CHPF2: variants seen among roughly 807,000 people sequenced by gnomAD.
The protein encoded by CHPF2 is chondroitin polymerizing factor 2, also known as chondroitin polymerizing factor 2, non-catalytic subunit.
Under a neutral mutation model 63.0 loss-of-function variants are expected in CHPF2, and 58 were observed. That is an observed-to-expected ratio of 0.92 (90% CI 0.75 to 1.15). The LOEUF is 1.15. CHPF2 is among the 50% of genes most tolerant of loss of function. CHPF2 has a pLI of 0.00. For missense variants in CHPF2, 1,045 were observed against 1,035.4 expected (o/e 1.01, Z -0.13); for synonymous variants, 442 against 438.0 (o/e 1.01, Z -0.11).
At chr7:151,234,789 C>T (rs1416031268) in intron 1 of CHPF2, among the ~76,000 whole-genome samples, 2 of 152,130 alleles carry the variant, frequency 1.3e-5, no homozygotes, top group African/African-American at 4.8e-5. Flanking sequence ...CCGTGCCCAG[C>T]CAGGGTTCGA....
Position 151,232,518 on chromosome 7 carries a change from C to A in CHPF2, c.-1494C>A, listed in dbSNP as rs1030501339. 2.0e-6 allele frequency: 1 copy of A among 502,792 alleles called. No homozygotes were observed. The highest frequency in any genetic ancestry group is 4.3e-5 in the Admixed American group (1 of 23,234). 31.1% of individuals were successfully genotyped at this position (502,792 alleles called of 1,614,324 possible). ...GCGGACAGGGGCTGTGAGGTGGCAG[C>A]GGCTGCAGCGGCGGAGCCGGCGCCT... is the stretch of plus-strand genomic sequence containing the variant. On this transcript the variant is annotated 5_prime_UTR_variant, in exon 1 of 4. Coordinates refer to ENST00000035307, the MANE Select transcript of CHPF2 (RefSeq NM_019015.3).
chr7:151,236,905 T>C, intron 3 of CHPF2: 1 of 544,516 alleles, frequency 1.8e-6, no homozygotes, highest in Middle Eastern at 2.8e-4. Context: ...TCCTCCTCAA[T>C]AGTGCCTGTC....
Position 151,232,621 on chromosome 7 carries a change from C to G in CHPF2, c.-1391C>G. The stretch of plus-strand genomic sequence containing the variant: ...GCGTGCGGGACGCCGCTCTTGGTCC[C>G]CACGCCTCCGCCCCGCCCCCTCCCG... On this transcript the variant is annotated 5_prime_UTR_variant, in exon 1 of 4. Coordinates refer to ENST00000035307, the MANE Select transcript of CHPF2 (RefSeq NM_019015.3). The G allele has an allele frequency of 1.3e-6, 1 of 791,440 alleles. No homozygotes were observed. Among genetic ancestry groups the G allele is most frequent in the East Asian group, 3.3e-5 (1 of 30,064 alleles). 49.0% of individuals were successfully genotyped at this position (791,440 alleles called of 1,614,324 possible).
Position 151,238,507 on chromosome 7 carries a change from CCT to C in CHPF2, c.2148_2149del (p.Phe717SerfsTer22), listed in dbSNP as rs1224184047. On this transcript the variant is annotated frameshift_variant, in exon 4 of 4. Transcript: ENST00000035307. LOFTEE classifies it high-confidence loss of function. Reference protein sequence around the residue: ...DVFLRFSGLHLFRAVEPGLVQ... With the variant: ...DVFLRFSGLHXFRAVEPGLVQ... ...TTTTCCTCCGGTTCTCAGGGCTCCACCTCTTTCGGGCCGTAGAGCCAGGGCTG... is the reference window on the plus strand; with the variant it reads ...TTTTCCTCCGGTTCTCAGGGCTCCACCTTTCGGGCCGTAGAGCCAGGGCTG... The C allele has an allele frequency of 1.9e-6, 3 of 1,601,070 alleles. No homozygotes were observed. Among genetic ancestry groups the C allele is most frequent in the Non-Finnish European group, 2.6e-6 (3 of 1,171,872 alleles).
Position 151,237,764 on chromosome 7 carries a change from CTG to C in CHPF2, c.1403_1404del (p.Leu468ProfsTer17). On this transcript the variant is annotated frameshift_variant, in exon 4 of 4. Transcript: ENST00000035307. LOFTEE classifies it high-confidence loss of function. ...GCGGGCCCTGGCTCGCAGGGTCAGC[CTG>C]CTGCGGCCACTGAGCCGGGTGGAAA... is the stretch of plus-strand genomic sequence containing the variant. ...HRRALARRVS[L>X]LRPLSRVEIL... 6.2e-7 allele frequency: 1 copy of C among 1,612,448 alleles called. No individual in the cohort carries two copies. The highest frequency in any genetic ancestry group is 1.1e-5 in the South Asian group (1 of 91,088).
Position 151,232,532 on chromosome 7 carries a change from G to A in CHPF2, c.-1480G>A, listed in dbSNP as rs978156154. The A allele has an allele frequency of 3.9e-6, 2 of 507,830 alleles. No homozygotes were observed. Among genetic ancestry groups the A allele is most frequent in the Non-Finnish European group, 6.9e-6 (2 of 290,014 alleles). 31.5% of individuals were successfully genotyped at this position (507,830 alleles called of 1,614,324 possible). On this transcript the variant is annotated 5_prime_UTR_variant, in exon 1 of 4. Transcript: ENST00000035307. ...TGAGGTGGCAGCGGCTGCAGCGGCG[G>A]AGCCGGCGCCTCAGCGGGCACTGGG...
Position 151,233,096 on chromosome 7 carries a change from C to A in CHPF2, c.-916C>A. 8.3e-7 allele frequency: 1 copy of A among 1,208,284 alleles called. No homozygotes were observed. The allele number at this position is 1,208,284 out of a possible 1,614,324, so 74.8% of individuals were successfully genotyped here. A position where few individuals can be genotyped will look rare whatever the true frequency, so the allele number is the denominator to read the frequency against. On this transcript the variant is annotated 5_prime_UTR_variant, in exon 1 of 4. It adds an upstream start codon to the 5' untranslated region. Transcript: ENST00000035307. Reference sequence around the variant, plus strand: ...AGGACCCTGGCATTGTCTCTAGTTGCTGCTTGTGCTCTCTCTTTGCTTTTG... The same window carrying A: ...AGGACCCTGGCATTGTCTCTAGTTGATGCTTGTGCTCTCTCTTTGCTTTTG...
chr7:151,236,637 C>CAG lies in CHPF2; in HGVS notation c.1011+54_1011+55dup, dbSNP rs1563632114. 8.1e-6 allele frequency: 12 copies of CAG among 1,474,934 alleles called. 1 individual carries two copies. The South Asian group carries it at 1.6e-4, about 20-fold the overall frequency. 91.4% of individuals were successfully genotyped at this position (1,474,934 alleles called of 1,614,324 possible). A position where few individuals can be genotyped will look rare whatever the true frequency, so the allele number is the denominator to read the frequency against. On this transcript the variant is annotated intron_variant, in intron 3 of 3. Coordinates refer to ENST00000035307, the MANE Select transcript of CHPF2 (RefSeq NM_019015.3). ...GGGCAGAGGACCGCAGTCAGAGGGT[C>CAG]AGAGAGAGCCTGAGATGTCCAGGCG...
At position 151,233,572 on chromosome 7, in the gene CHPF2, GT is replaced by G; in HGVS notation, c.-436del. The stretch of plus-strand genomic sequence containing the variant: ...TCCGGCTCCTCTGGTTGGGGCTGTT[GT>G]TTTGATGGATCGTGTGCTTTTCCCT... On this transcript the variant is annotated 5_prime_UTR_variant, in exon 1 of 4. It introduces an in-frame stop codon into an upstream open reading frame of the 5' UTR. Coordinates refer to ENST00000035307, the MANE Select transcript of CHPF2 (RefSeq NM_019015.3). The G allele has an allele frequency of 1.0e-6, 1 of 987,420 alleles. No homozygotes were observed. The highest frequency in any genetic ancestry group is 1.2e-6 in the Non-Finnish European group (1 of 831,330). The allele number at this position is 987,420 out of a possible 1,614,324, so 61.2% of individuals were successfully genotyped here.
intron 3 of CHPF2, 25 bp downstream of exon 3, chr7:151,236,615 C>A: frequency 1.3e-6 from 2 of 1,522,960 alleles, no homozygotes; most frequent in South Asian, 1.2e-5. Context: ...AGCAGGTGGG[C>A]AGAGGACCGC....
intron 3 of CHPF2, chr7:151,236,947 T>C: frequency 1.9e-6 from 1 of 523,896 alleles, no homozygotes; most frequent in Non-Finnish European, 3.7e-6. Flanking sequence ...GAAGTTTCTT[T>C]ACTTCTAGAA....
Position 151,237,506 on chromosome 7 carries a change from C to T in CHPF2, c.1144C>T (p.His382Tyr), listed in dbSNP as rs1802704409. The change falls in exon 4 of 4, where the codon CAC (histidine) becomes TAC (tyrosine). Residue 382 changes from histidine (H) to tyrosine (Y), a missense_variant. By Grantham distance (83) the His-to-Tyr change is moderately conservative. Transcript: ENST00000035307. ...VLGWDYFTEQ[H>Y]TFSCADGAPK... ...GGGCTGGGACTACTTCACAGAGCAG[C>T]ACACCTTCTCCTGTGCAGATGGGGC... The T allele has an allele frequency of 6.2e-7, 1 of 1,614,044 alleles. No individual in the cohort carries two copies. The highest frequency in any genetic ancestry group is 1.3e-5 in the African/African-American group (1 of 75,068).
chr7:151,234,281 G>T lies in CHPF2; in HGVS notation c.263+7G>T. On this transcript the variant is annotated splice_region_variant and intron_variant, in intron 1 of 3. Coordinates refer to ENST00000035307, the MANE Select transcript of CHPF2 (RefSeq NM_019015.3). ...CCTACAAGAAGGTGCTCAGGTGAGA[G>T]CAACATGTGTGCATAGTCCCCAGAC... is the stretch of plus-strand genomic sequence containing the variant. 6.4e-7 allele frequency: 1 copy of T among 1,563,160 alleles called. No individual in the cohort carries two copies. Among genetic ancestry groups the T allele is most frequent in the Non-Finnish European group, 8.7e-7 (1 of 1,154,560 alleles).
chr7:151,235,286 C>T lies in CHPF2; in HGVS notation c.502C>T (p.His168Tyr). 1 of 1,613,948 alleles carries T rather than the reference C, an allele frequency of 6.2e-7. No individual in the cohort carries two copies. Among genetic ancestry groups the T allele is most frequent in the Non-Finnish European group, 8.5e-7 (1 of 1,180,010 alleles). ...CATGTCAGAGACCCTGCGCCACCTTCACACACACTTTGGGGCCGACTACGA... is the reference window on the plus strand; with the variant it reads ...CATGTCAGAGACCCTGCGCCACCTTTACACACACTTTGGGGCCGACTACGA... ...WLMSETLRHL[H>Y]THFGADYDWF... The change falls in exon 2 of 4, where the codon CAC becomes TAC. Residue 168 changes from histidine (H) to tyrosine (Y), a missense_variant. Coordinates refer to ENST00000035307, the MANE Select transcript of CHPF2 (RefSeq NM_019015.3).
In CHPF2 at chr7:151,236,520, T is replaced by A. The variant is rs1563631892; in HGVS notation, c.941T>A (p.Met314Lys). ...AVHPVSEGTLMYRLHKRFSAL... is the reference protein window; with the variant it reads ...AVHPVSEGTLKYRLHKRFSAL... ...CACCCTGTCTCCGAAGGTACCCTCA[T>A]GTACCGGCTCCACAAACGCTTCAGC... The change falls in exon 3 of 4, where the codon ATG (methionine) becomes AAG (lysine). Residue 314 changes from methionine (M) to lysine (K), a missense_variant. Coordinates refer to ENST00000035307, the MANE Select transcript of CHPF2 (RefSeq NM_019015.3). 6.2e-7 allele frequency: 1 copy of A among 1,610,454 alleles called. No individual in the cohort carries two copies. The highest frequency in any genetic ancestry group is 1.3e-5 in the African/African-American group (1 of 75,012).
In CHPF2 at chr7:151,232,878, C is replaced by A; in HGVS notation, c.-1134C>A. ...GCCTCGCAGAACGACCCGAGCTGGT[C>A]TCCCGAGCCCCCTTCTCAGCAGCCC... On this transcript the variant is annotated 5_prime_UTR_variant, in exon 1 of 4. Coordinates refer to ENST00000035307, the MANE Select transcript of CHPF2 (RefSeq NM_019015.3). 7.2e-7 allele frequency: 1 copy of A among 1,398,396 alleles called. No homozygotes were observed. Among genetic ancestry groups the A allele is most frequent in the South Asian group, 1.5e-5 (1 of 65,672 alleles). 86.6% of individuals were successfully genotyped at this position (1,398,396 alleles called of 1,614,324 possible).
At chr7:151,236,279 A>G in intron 2 of CHPF2, 129 bp from the exon 3 acceptor site, 1 of 754,152 alleles carries the variant, frequency 1.3e-6, no homozygotes, top group South Asian at 2.6e-5. Flanking sequence ...AGGTGCTGGA[A>G]AGGGTGCCTC....
At chr7:151,237,319 G>A (rs1802694143) in intron 3 of CHPF2, 55 bp from the exon 4 acceptor site, 1 of 1,416,802 alleles carries the variant, frequency 7.1e-7, no homozygotes, top group Middle Eastern at 2.5e-4. Context: ...GGCAGCTGGA[G>A]CTGGGTAGGA....
intron 3 of CHPF2, chr7:151,237,020 AG>A (rs762180389): frequency 3.3e-5 from 18 of 546,588 alleles, no homozygotes; most frequent in Non-Finnish European, 5.6e-5. Flanking sequence ...GGCTTGGCAG[AG>A]GTGGAGTGTA....
Sources: allele counts gnomAD v4.1 joint callset (sites outside exome capture counted in the v4.1 genomes callset), GRCh38; gene constraint gnomAD v4.1.1; transcripts MANE v1.5; gene names NCBI Gene and HGNC (gene_info 2026-07-23, HGNC 2026-07-21).